Variants in ATP13A3 observed in about 807,000 individuals in gnomAD.
The protein encoded by ATP13A3 is ATPase 13A3, also known as polyamine-transporting ATPase 13A3.
In ATP13A3, 59 loss-of-function variants were observed where a neutral mutation model predicts 158.1. That is an observed-to-expected ratio of 0.37 (90% CI 0.30 to 0.46). ATP13A3 has a LOEUF of 0.46. Ranked by LOEUF, ATP13A3 falls within the 20% of genes least tolerant of loss-of-function variation. ATP13A3 has a pLI of 1.00. For missense variants in ATP13A3, 1,166 were observed against 1,525.2 expected (o/e 0.76, Z 3.92); for synonymous variants, 491 against 504.3 (o/e 0.97, Z 0.35).
chr3:194,433,664 C>T, intron 21 of ATP13A3, 108 bp downstream of exon 21: 5 of 1,365,614 alleles, frequency 3.7e-6, no homozygotes, highest in Non-Finnish European at 4.9e-6. Context: ...TAGGTTGAAA[C>T]CACTATAGAC....
chr3:194,422,874 G>A (rs1366123826), intron 30 of ATP13A3, among the ~76,000 whole-genome samples: 1 of 150,732 alleles, frequency 6.6e-6, no homozygotes, highest in Non-Finnish European at 1.5e-5. Flanking sequence ...ATCCAGTTAT[G>A]TCTTTAAAAG....
chr3:194,425,443 T>C lies in ATP13A3; in HGVS notation c.3212A>G (p.Tyr1071Cys). The C allele has an allele frequency of 6.2e-7, 1 of 1,613,358 alleles. No homozygotes were observed. The highest frequency in any genetic ancestry group is 1.1e-5 in the South Asian group (1 of 91,044). ...TELDEHNIQN[Y>C]ENTTVFFISS... ...AATAAAAAACACTGTGGTATTTTCATAATTTTGTATATTATGTTCATCAAG... is the reference window on the plus strand; with the variant it reads ...AATAAAAAACACTGTGGTATTTTCACAATTTTGTATATTATGTTCATCAAG... Residue 1071 changes from tyrosine to cysteine, a missense_variant, in exon 30 of 34, where the codon TAT becomes TGT. Around this residue, in one of 3 missense-constraint regions of ATP13A3, gnomAD observed 997 missense variants for 1,341.2 expected, o/e 0.74. Transcript: ENST00000645319.
chr3:194,446,766 T>C (rs967154261), intron 14 of ATP13A3, among the ~76,000 whole-genome samples, 161 bp downstream of exon 14: 3 of 152,126 alleles, frequency 2.0e-5, no homozygotes, highest in Non-Finnish European at 2.9e-5. Flanking sequence ...ACTTATGGTA[T>C]AGAAAAATGA....
intron 2 of ATP13A3, among the ~76,000 whole-genome samples, chr3:194,481,857 C>CGG (rs1320716362): frequency 9.9e-5 from 15 of 152,192 alleles, no homozygotes; most frequent in Non-Finnish European, 2.1e-4. Flanking sequence ...CCAAGATCCA[C>CGG]AGGGAGTAAG....
intron 2 of ATP13A3, among the ~76,000 whole-genome samples, chr3:194,484,871 C>T (rs1226976692): frequency 6.6e-6 from 1 of 151,992 alleles, no homozygotes; most frequent in Non-Finnish European, 1.5e-5. Flanking sequence ...GCCTGGCCAA[C>T]GTGGTGAAAC....
At position 194,405,815 on chromosome 3, in the gene ATP13A3, A is replaced by G; in HGVS notation, c.*104T>C. The G allele has an allele frequency of 2.5e-6, 3 of 1,184,274 alleles. No homozygotes were observed. The highest frequency in any genetic ancestry group is 2.5e-6 in the Non-Finnish European group (2 of 809,544). 73.4% of individuals were successfully genotyped at this position (1,184,274 alleles called of 1,614,324 possible). A position where few individuals can be genotyped will look rare whatever the true frequency, so the allele number is the denominator to read the frequency against. ...CAAATAAGCTACTATATCAGAAGGG[A>G]CATAAACTGAACTAGTGCCATTCTG... On this transcript the variant is annotated 3_prime_UTR_variant, in exon 34 of 34. Transcript: ENST00000645319.
At position 194,417,825 on chromosome 3, in the gene ATP13A3, GT is replaced by G. The variant is rs1339126146; in HGVS notation, c.3402+2053del. 9.9e-5 allele frequency among the ~76,000 whole-genome samples: 15 copies of G among 152,002 alleles called. No homozygotes were observed. In the Middle Eastern group the frequency reaches 0.017, roughly 172 times the overall value. On this transcript the variant is annotated intron_variant, in intron 31 of 33. Transcript: ENST00000645319. ...AAAATTTTAAAATTTGCTGGGTGTG[GT>G]GGTGCACAACTGTGGTCCCAGCTAC...
At position 194,455,982 on chromosome 3, in the gene ATP13A3, T is replaced by A; in HGVS notation, c.561-20A>T. On this transcript the variant is annotated intron_variant, in intron 7 of 33. Transcript: ENST00000645319. ...AGTTTTCTATAACAGGAAAATACATTCATAGTATTACATTATATCATAATA... is the reference window on the plus strand; with the variant it reads ...AGTTTTCTATAACAGGAAAATACATACATAGTATTACATTATATCATAATA... The A allele has an allele frequency of 7.1e-7, 1 of 1,409,996 alleles. No individual in the cohort carries two copies. Among genetic ancestry groups the A allele is most frequent in the African/African-American group, 1.5e-5 (1 of 68,408 alleles). 87.3% of individuals were successfully genotyped at this position (1,409,996 alleles called of 1,614,324 possible).
rs772621824 is a variant in ATP13A3 at position 194,460,819 on chromosome 3, A to G, written c.64T>C (p.Tyr22His). 6.2e-7 allele frequency: 1 copy of G among 1,613,904 alleles called. No individual in the cohort carries two copies. The highest frequency in any genetic ancestry group is 8.5e-7 in the Non-Finnish European group (1 of 1,179,874). The change falls in exon 4 of 34, where the codon TAC becomes CAC. Residue 22 changes from tyrosine to histidine, a missense_variant. Coordinates refer to ENST00000645319, the MANE Select transcript of ATP13A3 (RefSeq NM_001367549.1). ...GQEDEMEIYG[Y>H]NLSRWKLAIV... The stretch of plus-strand genomic sequence containing the variant: ...GCAAGCTTCCAGCGACTCAAATTGT[A>G]ACCATAAATCTCCTGCATGGACACA...
chr3:194,471,471 G>A (rs1201610313), intron 2 of ATP13A3, among the ~76,000 whole-genome samples: 22 of 151,686 alleles, frequency 1.5e-4, no homozygotes, highest in Admixed American at 4.6e-4. Context: ...CTCTTGCCTC[G>A]GCCTCCTGAG....
In ATP13A3 at chr3:194,415,661, C is replaced by CTTTTTTTTTTTTTTTTTTTT. The variant is rs751005733; in HGVS notation, c.3403-1842_3403-1823dup. ...GTGCAAGGATTTACAATACCACATT[C>CTTTTTTTTTTTTTTTTTTTT]TTTTTTTTTTTTTTTTTTTTTTTTT... On this transcript the variant is annotated intron_variant, in intron 31 of 33. Transcript: ENST00000645319. Among the ~76,000 whole-genome samples the CTTTTTTTTTTTTTTTTTTTT allele has an allele frequency of 4.4e-5, 4 of 90,928 alleles. 1 individual carries two copies. The South Asian group carries it at 1.2e-3, about 28-fold the overall frequency. The allele number at this position is 90,928 out of a possible 152,430, so 59.7% of individuals were successfully genotyped here. A position where few individuals can be genotyped will look rare whatever the true frequency, so the allele number is the denominator to read the frequency against.
rs1714869501 is a variant in ATP13A3, at chr3:194,405,495, T to C, written c.*424A>G. The C allele has an allele frequency of 6.3e-6, 1 of 158,272 alleles. No individual in the cohort carries two copies. Among genetic ancestry groups the C allele is most frequent in the Admixed American group, 6.1e-5 (1 of 16,288 alleles). The allele number at this position is 158,272 out of a possible 1,614,324, so 9.8% of individuals were successfully genotyped here. A position where few individuals can be genotyped will look rare whatever the true frequency, so the allele number is the denominator to read the frequency against. ...TTAACACTCATCTTCTTTTTATCAA[T>C]CACAAACTTACAGCCTGTATATAAA... is the stretch of plus-strand genomic sequence containing the variant. On this transcript the variant is annotated 3_prime_UTR_variant, in exon 34 of 34. Coordinates refer to ENST00000645319, the MANE Select transcript of ATP13A3 (RefSeq NM_001367549.1).
intron 17 of ATP13A3, among the ~76,000 whole-genome samples, chr3:194,438,201 G>A (rs992218875): frequency 6.6e-6 from 1 of 152,020 alleles, no homozygotes; most frequent in Admixed American, 6.6e-5. Context: ...ATATAAACAG[G>A]AAGGAAAATG....
Position 194,402,993 on chromosome 3 carries a change from C to A in ATP13A3, c.*2926G>T. On this transcript the variant is annotated 3_prime_UTR_variant, in exon 34 of 34. Transcript: ENST00000645319. ...CCCACAGACTGTACAAAAATTAACA[C>A]CCCATTTTGTTAAAAGTTCCCAACC... 1 of 152,234 alleles carries A rather than the reference C, an allele frequency of 6.6e-6. No individual in the cohort carries two copies. The highest frequency in any genetic ancestry group is 1.9e-4 in the East Asian group (1 of 5,192). 9.4% of individuals were successfully genotyped at this position (152,234 alleles called of 1,614,324 possible).
rs117764645 is a variant in ATP13A3 at position 194,407,091 on chromosome 3, A to G, written c.3574-975T>C. ...AAATGTAAACTCAATAGAGGGCTGA[A>G]AAGGGCCCTCAGAATTTGTCTCAAT... is the stretch of plus-strand genomic sequence containing the variant. On this transcript the variant is annotated intron_variant, in intron 33 of 33. Coordinates refer to ENST00000645319, the MANE Select transcript of ATP13A3 (RefSeq NM_001367549.1). Among the ~76,000 whole-genome samples the G allele has an allele frequency of 2.0e-4, 31 of 152,322 alleles. No homozygotes were observed. The East Asian group carries it at 6.0e-3, about 29-fold the overall frequency.
At chr3:194,417,636 GT>G (rs1217936988) in intron 31 of ATP13A3, among the ~76,000 whole-genome samples, 1 of 152,004 alleles carries the variant, frequency 6.6e-6, no homozygotes, top group Non-Finnish European at 1.5e-5. Flanking sequence ...AACACTATTA[GT>G]CATATATATG....
At chr3:194,411,671 A>G (rs1577023330) in intron 33 of ATP13A3, among the ~76,000 whole-genome samples, 1 of 152,202 alleles carries the variant, frequency 6.6e-6, no homozygotes, top group Non-Finnish European at 1.5e-5. Context: ...TCTTCTGAAT[A>G]CTAAGGTATA....
chr3:194,444,063 A>G (rs1560093278), intron 15 of ATP13A3, among the ~76,000 whole-genome samples: 1 of 152,232 alleles, frequency 6.6e-6, no homozygotes, highest in Non-Finnish European at 1.5e-5. Flanking sequence ...GTCTGACAAT[A>G]TTAAGTTTGG....
chr3:194,431,970 C>A, intron 21 of ATP13A3, 78 bp from the exon 22 acceptor site: 1 of 1,178,496 alleles, frequency 8.5e-7, no homozygotes, highest in Non-Finnish European at 1.1e-6. Context: ...TGCTGAGAAT[C>A]TACTACAGTC....
Sources: allele counts gnomAD v4.1 joint callset (sites outside exome capture counted in the v4.1 genomes callset), GRCh38; gene constraint gnomAD v4.1.1; regional missense constraint gnomAD v4.1.1; transcripts MANE v1.5; gene names NCBI Gene and HGNC (gene_info 2026-07-23, HGNC 2026-07-21).